The following PLXND1 variants were observed in gnomAD, a reference collection of about 807,000 sequenced individuals.
PLXND1 encodes plexin-D1.
In PLXND1, 54 loss-of-function variants were observed where a neutral mutation model predicts 197.7. The ratio of observed to expected loss-of-function variants is 0.27; its 90% CI spans 0.22 to 0.34. The LOEUF is 0.34. PLXND1 is among the 10% of genes least tolerant of loss of function. The pLI, the probability that PLXND1 is intolerant of heterozygous loss-of-function variation, is 1.00. For synonymous variants in PLXND1, 1,180 were observed against 1,161.2 expected (o/e 1.02, Z -0.33); for missense variants, 2,127 against 2,699.2 (o/e 0.79, Z 4.70).
At position 129,606,334 on chromosome 3, in the gene PLXND1, C is replaced by A. The variant is rs780840626; in HGVS notation, c.306G>T (p.Pro102=). 2.0e-6 allele frequency: 3 copies of A among 1,484,048 alleles called. No homozygotes were observed. The highest frequency in any genetic ancestry group is 2.4e-5 in the Admixed American group (1 of 41,218). The allele number at this position is 1,484,048 out of a possible 1,614,324, so 91.9% of individuals were successfully genotyped here. The change falls in exon 1 of 36, where the codon CCG becomes CCT. Residue 102 remains proline (P), a synonymous_variant. Transcript: ENST00000324093. ...EAAVGPVPDS[P]LCHAPQLPQA... ...GCGGCAGCTGCGGAGCGTGACACAG[C>A]GGGCTGTCGGGCACCGGGCCCACGG...
intron 22 of PLXND1, among the ~76,000 whole-genome samples, chr3:129,567,149 CT>C (rs1481450250): frequency 2.0e-5 from 3 of 151,994 alleles, no homozygotes; most frequent in Admixed American, 2.0e-4. Context: ...GGAAGCCTGG[CT>C]GGGAAGAGGC....
chr3:129,604,925 G>C (rs2085761339), intron 1 of PLXND1, among the ~76,000 whole-genome samples: 1 of 152,192 alleles, frequency 6.6e-6, no homozygotes, highest in South Asian at 2.1e-4. Context: ...TGGTAACTCT[G>C]ACAGGCTCAC....
At chr3:129,563,672 C>T (rs530367433) in intron 25 of PLXND1, among the ~76,000 whole-genome samples, 2 of 152,164 alleles carry the variant, frequency 1.3e-5, no homozygotes, top group Non-Finnish European at 2.9e-5. Context: ...GATGTGGCCT[C>T]GACCCCACTT....
Position 129,560,410 on chromosome 3 carries a change from C to G in PLXND1, c.5053G>C (p.Glu1685Gln). The G allele has an allele frequency of 6.2e-7, 1 of 1,613,784 alleles. No homozygotes were observed. Among genetic ancestry groups the G allele is most frequent in the East Asian group, 2.2e-5 (1 of 44,870 alleles). Residue 1685 changes from glutamate (E) to glutamine (Q), a missense_variant, in exon 31 of 36, where the codon GAG becomes CAG. This residue lies in a region of PLXND1 where 53 missense variants were observed against 41.4 expected (regional missense o/e 1.28). Transcript: ENST00000324093. ...HLVLPTDELAEPKKSHRQSHR... is the reference protein window; with the variant it reads ...HLVLPTDELAQPKKSHRQSHR... ...CTCTGCCGGTGAGACTTCTTGGGCT[C>G]CGCCAGCTCGTCCGTAGGCAGCACC... is the stretch of plus-strand genomic sequence containing the variant.
At chr3:129,573,315 A>G (rs944062865) in intron 13 of PLXND1, among the ~76,000 whole-genome samples, 2 of 151,920 alleles carry the variant, frequency 1.3e-5, no homozygotes, top group Non-Finnish European at 2.9e-5. Flanking sequence ...TCCTCAGAGC[A>G]AGGCTTAGGT....
At position 129,586,678 on chromosome 3, in the gene PLXND1, C is replaced by T. The variant is rs2108792134; in HGVS notation, c.1530G>A (p.Val510=). Reference sequence around the variant, plus strand: ...CGGGCTCCCCATAGGCCACAGTCACCACCCGCCTGCTCACCACCTGCATGC... The same window carrying T: ...CGGGCTCCCCATAGGCCACAGTCACTACCCGCCTGCTCACCACCTGCATGC... ...NESMQVVSRR[V]VTVAYGEPVH... is the part of the protein sequence containing the mutation. Residue 510 remains valine (V), a synonymous_variant, in exon 3 of 36, where the codon GTG becomes GTA. Coordinates refer to ENST00000324093, the MANE Select transcript of PLXND1 (RefSeq NM_015103.3). 1.3e-6 allele frequency: 2 copies of T among 1,592,476 alleles called. No homozygotes were observed. The highest frequency in any genetic ancestry group is 1.7e-6 in the Non-Finnish European group (2 of 1,168,992).
At position 129,605,663 on chromosome 3, in the gene PLXND1, C is replaced by T. The variant is rs934524798; in HGVS notation, c.977G>A (p.Gly326Asp). 29 of 1,537,146 alleles carry T rather than the reference C, an allele frequency of 1.9e-5. No individual in the cohort carries two copies. The highest frequency in any genetic ancestry group is 2.8e-5 in the African/African-American group (2 of 72,646). ...GAGCTTCTTGGCGTCGCCGCCGGCG[C>T]CGTGGGGCAGGCAGATGCGCGCCAG... Reference protein sequence around the residue: ...SLLARICLPHGAGGDAKKLTE... With the variant: ...SLLARICLPHDAGGDAKKLTE... Residue 326 changes from glycine (G) to aspartate (D), a missense_variant, in exon 1 of 36, where the codon GGC becomes GAC. Transcript: ENST00000324093.
rs570288850 is a variant in PLXND1, at chr3:129,592,721, A to G, written c.1312-3194T>C. On this transcript the variant is annotated intron_variant, in intron 1 of 35. Transcript: ENST00000324093. ...TTTTTTCCCCTTATCCTAAAATAAA[A>G]TTTTAAAAAATTTTTTTAAAGAAGT... Among the ~76,000 whole-genome samples, 274 of 152,328 alleles carry G rather than the reference A, an allele frequency of 1.8e-3. 4 individuals carry two copies. Among genetic ancestry groups the G allele is most frequent in the African/African-American group, 6.3e-3 (263 of 41,576 alleles).
chr3:129,602,938 C>T (rs1048355411), intron 1 of PLXND1, among the ~76,000 whole-genome samples: 27 of 152,200 alleles, frequency 1.8e-4, no homozygotes, highest in African/African-American at 6.5e-4. Flanking sequence ...GGTCACACAG[C>T]TGGGAAGTGA....
chr3:129,602,792 T>C (rs2085729505), intron 1 of PLXND1, among the ~76,000 whole-genome samples: 1 of 152,174 alleles, frequency 6.6e-6, no homozygotes, highest in African/African-American at 2.4e-5. Flanking sequence ...GTGCTTACTG[T>C]GTACTGGGTA....
Position 129,567,775 on chromosome 3 carries a change from C to G in PLXND1, c.3896G>C (p.Arg1299Pro). Residue 1299 changes from arginine (R) to proline (P), a missense_variant, in exon 21 of 36, where the codon CGT (arginine) becomes CCT (proline). By Grantham distance (103) the Arg-to-Pro change is moderately radical. This residue lies in a region of PLXND1 where 532 missense variants were observed against 811.0 expected (regional missense o/e 0.66). Transcript: ENST00000324093. Reference protein sequence around the residue: ...ALFVFCTKSRRAERYWQKTLL... With the variant: ...ALFVFCTKSRPAERYWQKTLL... ...CGTCTTCTGCCAGTAACGCTCAGCACGTCGGCTCTTGGTACAGAAGACGAA... is the reference window on the plus strand; with the variant it reads ...CGTCTTCTGCCAGTAACGCTCAGCAGGTCGGCTCTTGGTACAGAAGACGAA... The G allele has an allele frequency of 6.2e-7, 1 of 1,613,248 alleles. No individual in the cohort carries two copies. Among genetic ancestry groups the G allele is most frequent in the Non-Finnish European group, 8.5e-7 (1 of 1,179,240 alleles).
Position 129,558,480 on chromosome 3 carries a change from A to T in PLXND1, c.5393T>A (p.Ile1798Asn), listed in dbSNP as rs934917359. The change falls in exon 33 of 36, where the codon ATC (isoleucine) becomes AAC (asparagine). Residue 1798 changes from isoleucine to asparagine, a missense_variant. This residue lies in a region of PLXND1 where 200 missense variants were observed against 303.3 expected (regional missense o/e 0.66). Transcript: ENST00000324093. This position sits in a 1 kb window ranked among gnomAD's most constrained non-coding sequence, Gnocchi z 4.1. ...GCAGGCGTCGATGAAGGCCTGCGCG[A>T]TGACTGAAAGGCAGGCGTCGATGTG... The part of the protein sequence containing the change: ...TDHIDACLSV[I>N]AQAFIDACSI... 6.2e-7 allele frequency: 1 copy of T among 1,613,762 alleles called. No homozygotes were observed. Among genetic ancestry groups the T allele is most frequent in the Non-Finnish European group, 8.5e-7 (1 of 1,179,926 alleles).
At chr3:129,559,571 A>G (rs2085026232) in intron 32 of PLXND1, 49 bp downstream of exon 32, 6 of 1,461,698 alleles carry the variant, frequency 4.1e-6, no homozygotes, top group Non-Finnish European at 3.7e-6. Flanking sequence ...CCCCTGCCAC[A>G]GGGGCCCCAG....
chr3:129,595,455 G>A (rs1184721242), intron 1 of PLXND1, among the ~76,000 whole-genome samples: 1 of 152,214 alleles, frequency 6.6e-6, no homozygotes, highest in African/African-American at 2.4e-5. Context: ...GAGGCTTCCT[G>A]GAGGGGCTGT....
intron 8 of PLXND1, among the ~76,000 whole-genome samples, chr3:129,578,831 C>T (rs934715315): frequency 6.6e-6 from 1 of 152,194 alleles, no homozygotes; most frequent in Non-Finnish European, 1.5e-5. Context: ...TGAGATGCCC[C>T]CAGGGCTGAA....
At chr3:129,574,941 C>A (rs2085290199) in intron 11 of PLXND1, among the ~76,000 whole-genome samples, 1 of 152,306 alleles carries the variant, frequency 6.6e-6, no homozygotes, top group East Asian at 1.9e-4. Context: ...GGGCTTCAAA[C>A]CCTCCAAGTA....
Position 129,572,937 on chromosome 3 carries a change from C to T in PLXND1, c.2842G>A (p.Val948Met), listed in dbSNP as rs754117151. 6.2e-6 allele frequency: 10 copies of T among 1,611,616 alleles called. No homozygotes were observed. The highest frequency in any genetic ancestry group is 4.5e-5 in the East Asian group (2 of 44,848). Residue 948 changes from valine (V) to methionine (M), a missense_variant, in exon 14 of 36, where the codon GTG (valine) becomes ATG (methionine). By Grantham distance (21) the Val-to-Met change is conservative. This residue lies in a region of PLXND1 where 1,095 missense variants were observed against 1,259.8 expected (regional missense o/e 0.87). Transcript: ENST00000324093. ...CCTGGGGCTGGCCCTGTGACACACA[C>T]GATCCTGAGGGGAGGTGCTGTGGTC... ...PDRYTVSEEI[V>M]CVTGPAPGPL...
At chr3:129,578,495 T>C (rs2085344865) in intron 8 of PLXND1, 62 bp from the exon 9 acceptor site, 10 of 991,976 alleles carry the variant, frequency 1.0e-5, no homozygotes, top group Non-Finnish European at 1.4e-5. Context: ...GCAGGAGGAC[T>C]CACTGCACCC....
intron 32 of PLXND1, chr3:129,559,354 G>A (rs1484292484): frequency 8.0e-6 from 3 of 376,452 alleles, no homozygotes; most frequent in East Asian, 4.4e-5. Flanking sequence ...AGAGGGGTGC[G>A]GGAGAATGAT....
Sources: gnomAD v4.1 joint callset for allele counts (sites outside exome capture counted in the v4.1 genomes callset) on GRCh38, gnomAD v4.1.1 for gene constraint, gnomAD v4.1.1 regional missense constraint, Gnocchi (gnomAD v3.1) non-coding constraint, MANE v1.5 for transcripts, NCBI Gene and HGNC (gene_info 2026-07-23, HGNC 2026-07-21) for gene names.